The following L3MBTL4 variants were observed in gnomAD, a reference collection of about 807,000 sequenced individuals.
The protein encoded by L3MBTL4 is lethal(3)malignant brain tumor-like protein 4.
L3MBTL4 carries 70 observed loss-of-function variants against 84.5 expected under a neutral mutation model. That is an observed-to-expected ratio of 0.83 (90% CI 0.68 to 1.01). The LOEUF is 1.01. Among genes scored for constraint, L3MBTL4 ranks in the 50% least tolerant of loss-of-function variants. The pLI is 0.00. For missense variants in L3MBTL4, 715 were observed against 754.8 expected (o/e 0.95, Z 0.62); for synonymous variants, 274 against 259.8 (o/e 1.05, Z -0.52).
chr18:6,213,837 T>C (rs1034587217), intron 11 of L3MBTL4, among the ~76,000 whole-genome samples: 5 of 152,248 alleles, frequency 3.3e-5, no homozygotes, highest in Non-Finnish European at 7.3e-5. Context: ...AGACAGATTA[T>C]ATCATAAATT....
At chr18:6,177,319 G>T (rs2145288428) in intron 12 of L3MBTL4, among the ~76,000 whole-genome samples, 1 of 152,308 alleles carries the variant, frequency 6.6e-6, no homozygotes, top group Non-Finnish European at 1.5e-5. Context: ...ACACATGCAT[G>T]AACATGGGAA....
intron 10 of L3MBTL4, among the ~76,000 whole-genome samples, chr18:6,227,453 A>T (rs933312488): frequency 1.3e-5 from 2 of 152,240 alleles, no homozygotes; most frequent in Admixed American, 1.3e-4. Context: ...AACAAAATTA[A>T]ATTAGCAAAA....
intron 12 of L3MBTL4, among the ~76,000 whole-genome samples, chr18:6,192,195 C>T (rs2045140307): frequency 6.6e-6 from 1 of 152,038 alleles, no homozygotes; most frequent in Non-Finnish European, 1.5e-5. Flanking sequence ...TCAAAGAGGT[C>T]TCCTTTAAAT....
Position 6,155,307 on chromosome 18 carries a change from T to C in L3MBTL4, c.1096+16521A>G, listed in dbSNP as rs373783666. Among the ~76,000 whole-genome samples, 134 of 152,272 alleles carry C rather than the reference T, an allele frequency of 8.8e-4. No individual in the cohort carries two copies. In the South Asian group the frequency reaches 0.013, roughly 14 times the overall value. ...ATTAGGAGTATTCTAAAGAATGCTATAGAGTGAGTGAGATGTAGCAGAAGA... is the reference window on the plus strand; with the variant it reads ...ATTAGGAGTATTCTAAAGAATGCTACAGAGTGAGTGAGATGTAGCAGAAGA... On this transcript the variant is annotated intron_variant, in intron 13 of 18. Transcript: ENST00000317931.
At chr18:6,226,282 T>C (rs977037446) in intron 10 of L3MBTL4, among the ~76,000 whole-genome samples, 5 of 152,076 alleles carry the variant, frequency 3.3e-5, no homozygotes, top group Admixed American at 2.0e-4. Flanking sequence ...GGTGCACACC[T>C]GTAATCCCAG....
At chr18:6,171,117 T>C (rs951135496) in intron 13 of L3MBTL4, among the ~76,000 whole-genome samples, 1 of 152,178 alleles carries the variant, frequency 6.6e-6, no homozygotes, top group Non-Finnish European at 1.5e-5. Context: ...TCCTCATTAA[T>C]AGAAAAGCAT....
intron 12 of L3MBTL4, among the ~76,000 whole-genome samples, chr18:6,206,229 T>A (rs143092124): frequency 1.3e-5 from 2 of 152,310 alleles, no homozygotes; most frequent in East Asian, 3.9e-4. Flanking sequence ...GGTGTACACT[T>A]ATATGTGCAT....
intron 16 of L3MBTL4, among the ~76,000 whole-genome samples, chr18:6,036,652 C>T (rs1326855841): frequency 6.6e-6 from 1 of 152,100 alleles, no homozygotes; most frequent in Non-Finnish European, 1.5e-5. Context: ...TTTGAATGAG[C>T]CAAACTTTCC....
At chr18:6,300,647 C>T (rs771437641) in intron 4 of L3MBTL4, among the ~76,000 whole-genome samples, 1 of 151,434 alleles carries the variant, frequency 6.6e-6, no homozygotes, top group African/African-American at 2.5e-5. Flanking sequence ...CATTGTTGGC[C>T]TCAGTCTGCT....
intron 13 of L3MBTL4, among the ~76,000 whole-genome samples, chr18:6,159,535 A>G (rs772376081): frequency 4.6e-5 from 7 of 152,204 alleles, no homozygotes; most frequent in Non-Finnish European, 8.8e-5. Flanking sequence ...ATTTATATCT[A>G]TACCCAAGCT....
rs1398062389 is a variant in L3MBTL4, at chr18:5,970,047, A to G, written c.1445-485T>C. On this transcript the variant is annotated intron_variant, in intron 16 of 18. Transcript: ENST00000317931. ...TGAGCCTCAGTCCACATCTGGCTTC[A>G]TAAATCCCCTGAGTGATACTGAACA... Among the ~76,000 whole-genome samples the G allele has an allele frequency of 2.0e-5, 3 of 152,246 alleles. No individual in the cohort carries two copies. In the East Asian group the frequency reaches 5.8e-4, roughly 29 times the overall value.
intron 10 of L3MBTL4, among the ~76,000 whole-genome samples, chr18:6,226,441 A>G (rs1479779843): frequency 6.6e-6 from 1 of 152,118 alleles, no homozygotes; most frequent in Non-Finnish European, 1.5e-5. Flanking sequence ...TAAACAAACA[A>G]AAGATAATGT....
chr18:6,034,277 C>G (rs1265163549), intron 16 of L3MBTL4, among the ~76,000 whole-genome samples: 1 of 152,122 alleles, frequency 6.6e-6, no homozygotes, highest in Non-Finnish European at 1.5e-5. Flanking sequence ...AGGTATATCT[C>G]CCAATGTTAT....
intron 4 of L3MBTL4, among the ~76,000 whole-genome samples, chr18:6,277,225 C>T (rs1273324729): frequency 6.6e-6 from 1 of 151,828 alleles, no homozygotes; most frequent in Non-Finnish European, 1.5e-5. Flanking sequence ...CAGCATGGCA[C>T]ATGTATACAT....
At chr18:6,015,005 G>A (rs779737291) in intron 16 of L3MBTL4, among the ~76,000 whole-genome samples, 6 of 151,972 alleles carry the variant, frequency 3.9e-5, no homozygotes, top group South Asian at 2.1e-4. Context: ...TGCCTTTACC[G>A]ACCCAGAGAT....
At position 6,263,905 on chromosome 18, in the gene L3MBTL4, G is replaced by T. The variant is rs758399096; in HGVS notation, c.219+42C>A. 4 of 1,299,386 alleles carry T rather than the reference G, an allele frequency of 3.1e-6. No individual in the cohort carries two copies. In the African/African-American group the frequency reaches 4.4e-5, roughly 14 times the overall value. The allele number at this position is 1,299,386 out of a possible 1,614,324, so 80.5% of individuals were successfully genotyped here. On this transcript the variant is annotated intron_variant, in intron 5 of 18. Transcript: ENST00000317931. Reference sequence around the variant, plus strand: ...ATTTCATTTAAACTAAACCTCTTAAGTGTTGCTTCCTTGCAAAAATATAAG... The same window carrying T: ...ATTTCATTTAAACTAAACCTCTTAATTGTTGCTTCCTTGCAAAAATATAAG...
intron 1 of L3MBTL4, among the ~76,000 whole-genome samples, chr18:6,391,780 A>ACTACTACTACTACTACTACTACTG (rs61683209): frequency 6.6e-6 from 1 of 152,112 alleles, no homozygotes; most frequent in Non-Finnish European, 1.5e-5. Context: ...TACTACTACT[A>ACTACTACTACTACTACTACTACTG]GGACTATACT....
chr18:5,972,892 GA>G (rs2052715617), intron 16 of L3MBTL4, among the ~76,000 whole-genome samples: 1 of 132,034 alleles, frequency 7.6e-6, no homozygotes, highest in African/African-American at 2.7e-5. Flanking sequence ...TAGAACAGAA[GA>G]GAATAGAATA....
At chr18:6,063,813 T>C (rs2057315817) in intron 16 of L3MBTL4, among the ~76,000 whole-genome samples, 1 of 152,156 alleles carries the variant, frequency 6.6e-6, no homozygotes, top group South Asian at 2.1e-4. Context: ...GGTTGTCTGT[T>C]TACTCTGCTG....
Sources: allele counts gnomAD v4.1 joint callset (sites outside exome capture counted in the v4.1 genomes callset), GRCh38; gene constraint gnomAD v4.1.1; transcripts MANE v1.5; gene names NCBI Gene and HGNC (gene_info 2026-07-23, HGNC 2026-07-21).